STXBP6: variants seen among roughly 807,000 people sequenced by gnomAD.
The protein encoded by STXBP6 is syntaxin-binding protein 6.
In STXBP6, 21 loss-of-function variants were observed where a neutral mutation model predicts 26.9. That is an observed-to-expected ratio of 0.78 (90% CI 0.55 to 1.12). STXBP6 has a LOEUF of 1.12. Ranked by LOEUF, STXBP6 falls within the 50% of genes most tolerant of loss-of-function variation. The probability of loss-of-function intolerance (pLI) is 0.00; values close to 1 mark genes in which losing one functional copy is unlikely to be tolerated. For synonymous variants in STXBP6, 97 were observed against 92.6 expected, an observed-to-expected ratio of 1.05 and a Z score of -0.27; for missense variants, 232 against 257.9, an observed-to-expected ratio of 0.90 and a Z score of 0.69.
intron 1 of STXBP6, among the ~76,000 whole-genome samples, chr14:25,044,170 C>CAAAAAAAAA (rs768658907): frequency 1.9e-5 from 1 of 53,334 alleles, no homozygotes; most frequent in Non-Finnish European, 3.3e-5. Flanking sequence ...GACTCTGCCT[C>CAAAAAAAAA]AAAAAAAAAA....
chr14:24,834,767 G>C (rs1362504538), intron 4 of STXBP6, among the ~76,000 whole-genome samples: 1 of 152,194 alleles, frequency 6.6e-6, no homozygotes, highest in African/African-American at 2.4e-5. Context: ...AAGAGACACT[G>C]AGGGAGACCT....
intron 2 of STXBP6, among the ~76,000 whole-genome samples, chr14:24,953,524 C>T (rs996019612): frequency 1.4e-4 from 22 of 152,266 alleles, no homozygotes; most frequent in Non-Finnish European, 2.9e-5. Context: ...CCTGCTGCTC[C>T]CACGCTTTCC....
intron 2 of STXBP6, among the ~76,000 whole-genome samples, chr14:24,941,733 T>C (rs1383815316): frequency 1.3e-5 from 2 of 152,238 alleles, no homozygotes; most frequent in East Asian, 1.9e-4. Context: ...CTCTTAGCTG[T>C]CTGCTCTTTT....
intron 2 of STXBP6, among the ~76,000 whole-genome samples, chr14:24,908,744 C>T (rs1484099952): frequency 6.6e-6 from 1 of 152,174 alleles, no homozygotes; most frequent in Non-Finnish European, 1.5e-5. Context: ...GCTCCAGGAA[C>T]ACCAGACTAG....
chr14:24,834,780 G>C (rs139612327), intron 4 of STXBP6, among the ~76,000 whole-genome samples: 7 of 152,148 alleles, frequency 4.6e-5, no homozygotes, highest in African/African-American at 9.7e-5. Context: ...GGAGACCTGT[G>C]GGGGAGAAGG....
chr14:24,839,668 T>A lies in STXBP6; in HGVS notation c.451+16268A>T, dbSNP rs917158160. On this transcript the variant is annotated intron_variant, in intron 4 of 5. Transcript: ENST00000323944. ...AATAGCTAATATGTACTGTATTTAC[T>A]CAGCGCCGGGCACTGTTCAAAGTTC... Among the ~76,000 whole-genome samples, 8 of 152,338 alleles carry A rather than the reference T, an allele frequency of 5.3e-5. 2 individuals carry two copies. Among genetic ancestry groups the A allele is most frequent in the Admixed American group, 3.9e-4 (6 of 15,298 alleles).
At chr14:24,996,548 A>C (rs1019648805) in intron 1 of STXBP6, among the ~76,000 whole-genome samples, 1 of 150,896 alleles carries the variant, frequency 6.6e-6, no homozygotes, top group East Asian at 1.9e-4. Flanking sequence ...CTCTCCTTAA[A>C]AAAAATAAAA....
At chr14:25,031,096 G>A (rs1218240826) in intron 1 of STXBP6, among the ~76,000 whole-genome samples, 2 of 152,058 alleles carry the variant, frequency 1.3e-5, no homozygotes, top group African/African-American at 4.8e-5. Flanking sequence ...GCCAAATTTT[G>A]TAAATATTTA....
At chr14:24,917,551 T>C (rs12586425) in intron 2 of STXBP6, among the ~76,000 whole-genome samples, 9,587 of 152,070 alleles carry the variant, frequency 0.063, 451 homozygotes, top group East Asian at 0.17. Context: ...TGAATAACCA[T>C]ATGCAAAAAG....
chr14:24,906,469 A>C (rs1297691933), intron 2 of STXBP6, among the ~76,000 whole-genome samples: 1 of 152,200 alleles, frequency 6.6e-6, no homozygotes, highest in Non-Finnish European at 1.5e-5. Context: ...TGTGCAGAAA[A>C]TATATTTAGC....
At chr14:24,866,294 C>A (rs12884332) in intron 2 of STXBP6, among the ~76,000 whole-genome samples, 28,156 of 152,116 alleles carry the variant, frequency 0.19, 2,917 homozygotes, top group South Asian at 0.28. Flanking sequence ...AGATTTTGGA[C>A]TTCCCAGTCT....
At chr14:25,014,233 G>A (rs1414029484) in intron 1 of STXBP6, among the ~76,000 whole-genome samples, 1 of 152,158 alleles carries the variant, frequency 6.6e-6, no homozygotes, top group Non-Finnish European at 1.5e-5. Flanking sequence ...GGTGGCTCAC[G>A]CCTGTAATCC....
At chr14:25,003,428 G>A (rs2140341642) in intron 1 of STXBP6, among the ~76,000 whole-genome samples, 1 of 152,296 alleles carries the variant, frequency 6.6e-6, no homozygotes, top group South Asian at 2.1e-4. Context: ...GTTTTCAGCT[G>A]TAATTTTATT....
intron 1 of STXBP6, among the ~76,000 whole-genome samples, chr14:25,008,463 G>C (rs916318125): frequency 2.6e-5 from 4 of 152,184 alleles, no homozygotes; most frequent in African/African-American, 9.7e-5. Context: ...CAGCCTGGGA[G>C]ATAGAGGGAG....
chr14:25,019,168 A>C (rs2075214851), intron 1 of STXBP6, among the ~76,000 whole-genome samples: 1 of 152,200 alleles, frequency 6.6e-6, no homozygotes, highest in African/African-American at 2.4e-5. Flanking sequence ...TTCAGTTATA[A>C]TGCTTATCAG....
At chr14:24,868,644 T>C (rs2069809243) in intron 2 of STXBP6, among the ~76,000 whole-genome samples, 1 of 152,186 alleles carries the variant, frequency 6.6e-6, no homozygotes, top group South Asian at 2.1e-4. Flanking sequence ...TCAAAGGATC[T>C]GACCTGCATT....
intron 2 of STXBP6, among the ~76,000 whole-genome samples, chr14:24,860,143 C>T (rs1360690742): frequency 6.6e-6 from 1 of 152,144 alleles, no homozygotes; most frequent in Non-Finnish European, 1.5e-5. Flanking sequence ...CTAAAGAGCT[C>T]TTTTTAAAAA....
At chr14:24,950,513 GCTACAT>G (rs1477701117) in intron 2 of STXBP6, among the ~76,000 whole-genome samples, 1 of 152,060 alleles carries the variant, frequency 6.6e-6, no homozygotes, top group Admixed American at 6.6e-5. Flanking sequence ...ACAAACTATA[GCTACAT>G]GCAACAATAT....
intron 2 of STXBP6, among the ~76,000 whole-genome samples, chr14:24,916,591 GTGTTT>G (rs1350476793): frequency 6.6e-6 from 1 of 152,108 alleles, no homozygotes; most frequent in Non-Finnish European, 1.5e-5. Context: ...TGTGTGGGGA[GTGTTT>G]TGTTTTATTT....
Sources: gnomAD v4.1 joint callset for allele counts (sites outside exome capture counted in the v4.1 genomes callset) on GRCh38, gnomAD v4.1.1 for gene constraint, MANE v1.5 for transcripts, NCBI Gene and HGNC (gene_info 2026-07-23, HGNC 2026-07-21) for gene names.